IL10RA: variants seen among roughly 807,000 people sequenced by gnomAD.
IL10RA encodes interleukin 10 receptor subunit alpha.
A neutral mutation model predicts 29.6 loss-of-function variants in IL10RA; 18 were observed. That is an observed-to-expected ratio of 0.61 (90% CI 0.42 to 0.90). IL10RA has a LOEUF of 0.90. Ranked by LOEUF, IL10RA falls within the 40% of genes least tolerant of loss-of-function variation. The probability of loss-of-function intolerance (pLI) is 0.00; values close to 1 mark genes in which losing one functional copy is unlikely to be tolerated. For missense variants in IL10RA, 634 were observed against 716.6 expected (o/e 0.88, Z 1.32); for synonymous variants, 292 against 294.1 (o/e 0.99, Z 0.07).
chr11:117,991,581 C>T (rs1473552567), intron 3 of IL10RA, among the ~76,000 whole-genome samples: 1 of 152,184 alleles, frequency 6.6e-6, no homozygotes, highest in Non-Finnish European at 1.5e-5. Context: ...CTTCTGGTAA[C>T]CACTTCTACT....
intron 3 of IL10RA, 39 bp from the exon 4 acceptor site, chr11:117,993,202 A>T: frequency 6.3e-7 from 1 of 1,598,096 alleles, no homozygotes; most frequent in Non-Finnish European, 8.6e-7. Context: ...CTCAGCCCTC[A>T]AGTCTCATGG....
chr11:117,991,571 CT>C (rs1412356107), intron 3 of IL10RA, among the ~76,000 whole-genome samples: 3 of 152,198 alleles, frequency 2.0e-5, no homozygotes, highest in Non-Finnish European at 4.4e-5. Context: ...CTCCTTCCAG[CT>C]TCTGGTAACC....
Position 118,001,111 on chromosome 11 carries a change from G to A in IL10RA, c.*1470G>A, listed in dbSNP as rs1471344183. 2.2e-6 allele frequency: 1 copy of A among 454,148 alleles called. No homozygotes were observed. Among genetic ancestry groups the A allele is most frequent in the Non-Finnish European group, 4.4e-6 (1 of 226,802 alleles). The allele number at this position is 454,148 out of a possible 1,614,324, so 28.1% of individuals were successfully genotyped here. A position where few individuals can be genotyped will look rare whatever the true frequency, so the allele number is the denominator to read the frequency against. On this transcript the variant is annotated 3_prime_UTR_variant, in exon 7 of 7. Transcript: ENST00000227752. ...TCTGCCAAAGTACTCTTAGGTGCCA[G>A]TCTGGTAACTGAACTCCCTCTGGAG... is the stretch of plus-strand genomic sequence containing the variant.
At chr11:117,987,276 G>A (rs1259807850) in intron 1 of IL10RA, 2 of 211,086 alleles carry the variant, frequency 9.5e-6, no homozygotes, top group Non-Finnish European at 2.0e-5. Context: ...GAGCTGAGTC[G>A]GAGATGTGCA....
Position 117,993,346 on chromosome 11 carries a change from A to G in IL10RA, c.473A>G (p.Glu158Gly), listed in dbSNP as rs748829818. The G allele has an allele frequency of 6.2e-6, 10 of 1,613,972 alleles. No individual in the cohort carries two copies. The highest frequency in any genetic ancestry group is 6.8e-6 in the Non-Finnish European group (8 of 1,179,912). The change falls in exon 4 of 7, where the codon GAA becomes GGA. Residue 158 changes from glutamate (E) to glycine (G), a missense_variant. Transcript: ENST00000227752. ...PKMAPANDTY[E>G]SIFSHFREYE... ...ATGGCCCCCGCAAATGACACATATG[A>G]AAGCATCTTCAGTCACTTCCGAGAG...
intron 6 of IL10RA, among the ~76,000 whole-genome samples, chr11:117,998,445 G>GT (rs2058070177): frequency 6.6e-6 from 1 of 152,224 alleles, no homozygotes; most frequent in Non-Finnish European, 1.5e-5. Flanking sequence ...CCACCTGAGA[G>GT]TTTTCACCAT....
At chr11:118,002,150 A>G (rs2058099744), downstream of IL10RA, 1 of 152,298 alleles carries the variant, frequency 6.6e-6, no homozygotes, top group Non-Finnish European at 1.5e-5. Context: ...TGCTCCCTCC[A>G]TGAAAAACCC....
chr11:117,989,825 A>G lies in IL10RA; in HGVS notation c.367+205A>G. ...TGTTTGAGATTTAAAAGGGAACTGG[A>G]GTTGTTTATCCTACAGAAGAGAGGT... On this transcript the variant is annotated intron_variant, in intron 3 of 6. Coordinates refer to ENST00000227752, the MANE Select transcript of IL10RA (RefSeq NM_001558.4). The surrounding 1 kb of genome is among the most constrained non-coding windows in gnomAD (Gnocchi z 4.5). 1.6e-6 allele frequency: 1 copy of G among 638,598 alleles called. No individual in the cohort carries two copies. Among genetic ancestry groups the G allele is most frequent in the Non-Finnish European group, 2.8e-6 (1 of 358,018 alleles). The allele number at this position is 638,598 out of a possible 1,614,324, so 39.6% of individuals were successfully genotyped here.
At chr11:117,990,352 ATTT>A (rs11355213) in intron 3 of IL10RA, among the ~76,000 whole-genome samples, 15 of 149,336 alleles carry the variant, frequency 1.0e-4, no homozygotes, top group Admixed American at 4.0e-4. Context: ...GGGCATCTGT[ATTT>A]TTTTTTTTTT....
In IL10RA at chr11:117,995,738, C is replaced by T. The variant is rs184863279; in HGVS notation, c.810+28C>T. The T allele has an allele frequency of 2.2e-5, 35 of 1,608,528 alleles. 2 individuals are homozygous for T. The highest frequency in any genetic ancestry group is 1.5e-4 in the Admixed American group (9 of 59,884). On this transcript the variant is annotated intron_variant, in intron 6 of 6. Coordinates refer to ENST00000227752, the MANE Select transcript of IL10RA (RefSeq NM_001558.4). ...GAGTCTTGCAAGGAGGTCACTGCCCCGTCCTTCCCAGCCACACCCGAGCTT... is the reference window on the plus strand; with the variant it reads ...GAGTCTTGCAAGGAGGTCACTGCCCTGTCCTTCCCAGCCACACCCGAGCTT...
rs1366152604 is a variant in IL10RA, at chr11:117,988,469, C to G, written c.155C>G (p.Ser52Cys). 4 of 1,613,980 alleles carry G rather than the reference C, an allele frequency of 2.5e-6. No homozygotes were observed. Among genetic ancestry groups the G allele is most frequent in the Admixed American group, 3.3e-5 (2 of 60,006 alleles). The change falls in exon 2 of 7, where the codon TCT becomes TGT. Residue 52 changes from serine (S) to cysteine (C), a missense_variant. Ser to Cys is a moderately radical substitution (Grantham distance 112). Coordinates refer to ENST00000227752, the MANE Select transcript of IL10RA (RefSeq NM_001558.4). ...ILHWTPIPNQ[S>C]ESTCYEVALL... ...CACTGGACACCCATCCCAAATCAGT[C>G]TGAAAGTACCTGCTATGAAGTGGCG...
At chr11:117,987,770 A>T (rs1173716624) in intron 1 of IL10RA, 1 of 174,396 alleles carries the variant, frequency 5.7e-6, no homozygotes, top group African/African-American at 2.4e-5. Flanking sequence ...AGCCATGTGT[A>T]GAGCCAGAGC....
chr11:118,000,429 G>T lies in IL10RA; in HGVS notation c.*788G>T. 1 of 454,254 alleles carries T rather than the reference G, an allele frequency of 2.2e-6. No individual in the cohort carries two copies. Among genetic ancestry groups the T allele is most frequent in the African/African-American group, 2.0e-5 (1 of 50,118 alleles). The allele number at this position is 454,254 out of a possible 1,614,324, so 28.1% of individuals were successfully genotyped here. ...GCCAAGCCACTCACATCCTCACTTT[G>T]CTGCCCCACCATCTTGCTGACAACT... On this transcript the variant is annotated 3_prime_UTR_variant, in exon 7 of 7. Coordinates refer to ENST00000227752, the MANE Select transcript of IL10RA (RefSeq NM_001558.4).
chr11:117,987,006 A>G (rs944336636), intron 1 of IL10RA: 10 of 449,126 alleles, frequency 2.2e-5, no homozygotes, highest in Middle Eastern at 7.6e-4. Context: ...CTCCACCTGT[A>G]GCCCCCAACT....
chr11:117,998,854 C>G lies in IL10RA; in HGVS notation c.950C>G (p.Thr317Arg), dbSNP rs367605758. 7 of 1,614,234 alleles carry G rather than the reference C, an allele frequency of 4.3e-6. No homozygotes were observed. Among genetic ancestry groups the G allele is most frequent in the Non-Finnish European group, 5.1e-6 (6 of 1,180,044 alleles). Residue 317 changes from threonine (T) to arginine (R), a missense_variant, in exon 7 of 7, where the codon ACA becomes AGA. By Grantham distance (71) the Thr-to-Arg change is moderately conservative. Coordinates refer to ENST00000227752, the MANE Select transcript of IL10RA (RefSeq NM_001558.4). ...ELKNLDLHGSTDSGFGSTKPS... is the reference protein window; with the variant it reads ...ELKNLDLHGSRDSGFGSTKPS... The stretch of plus-strand genomic sequence containing the variant: ...AAGAACTTGGACCTGCACGGCAGCA[C>G]AGACAGTGGCTTTGGCAGCACCAAG...
Position 117,998,916 on chromosome 11 carries a change from C to T in IL10RA, c.1012C>T (p.Pro338Ser), listed in dbSNP as rs779816237. ...GACTGAAGAGCCCCAGTTCCTCCTCCCTGACCCTCACCCCCAGGCTGACAG... is the reference window on the plus strand; with the variant it reads ...GACTGAAGAGCCCCAGTTCCTCCTCTCTGACCCTCACCCCCAGGCTGACAG... ...LQTEEPQFLL[P>S]DPHPQADRTL... is the part of the protein sequence containing the mutation. Residue 338 changes from proline to serine, a missense_variant, in exon 7 of 7, where the codon CCT (proline) becomes TCT (serine). By Grantham distance (74) the Pro-to-Ser change is moderately conservative. Coordinates refer to ENST00000227752, the MANE Select transcript of IL10RA (RefSeq NM_001558.4). 1.2e-6 allele frequency: 2 copies of T among 1,613,960 alleles called. No individual in the cohort carries two copies. Among genetic ancestry groups the T allele is most frequent in the Non-Finnish European group, 1.7e-6 (2 of 1,179,936 alleles).
In IL10RA at chr11:118,000,545, G is replaced by A; in HGVS notation, c.*904G>A. 2.2e-6 allele frequency: 1 copy of A among 454,286 alleles called. No homozygotes were observed. Among genetic ancestry groups the A allele is most frequent in the South Asian group, 1.6e-5 (1 of 64,476 alleles). The allele number at this position is 454,286 out of a possible 1,614,324, so 28.1% of individuals were successfully genotyped here. A position where few individuals can be genotyped will look rare whatever the true frequency, so the allele number is the denominator to read the frequency against. ...GCACCAGCTCATGCCAGCCCCAGAG[G>A]GTCAGGGTTGGAGGCCTGTGCTTGT... On this transcript the variant is annotated 3_prime_UTR_variant, in exon 7 of 7. Coordinates refer to ENST00000227752, the MANE Select transcript of IL10RA (RefSeq NM_001558.4).
rs2058081219 is a variant in IL10RA at position 117,999,649 on chromosome 11, TGA to T, written c.*12_*13del. 6.2e-7 allele frequency: 1 copy of T among 1,611,728 alleles called. No homozygotes were observed. Among genetic ancestry groups the T allele is most frequent in the African/African-American group, 1.3e-5 (1 of 74,884 alleles). On this transcript the variant is annotated 3_prime_UTR_variant, in exon 7 of 7. Transcript: ENST00000227752. ...CTGCAGTCAAGTGAGTGACTCGGGC[TGA>T]GAGGCTGCTTTTGATTTTAGCCATG... is the stretch of plus-strand genomic sequence containing the variant.
At chr11:117,995,308 C>G (rs577798389) in intron 5 of IL10RA, 1 of 478,970 alleles carries the variant, frequency 2.1e-6, no homozygotes, top group South Asian at 2.0e-5. Context: ...GCTGTACCAT[C>G]CTGCCTCACT....
Sources: gnomAD v4.1 joint callset for allele counts (sites outside exome capture counted in the v4.1 genomes callset) on GRCh38, gnomAD v4.1.1 for gene constraint, Gnocchi (gnomAD v3.1) non-coding constraint, MANE v1.5 for transcripts, NCBI Gene and HGNC (gene_info 2026-07-23, HGNC 2026-07-21) for gene names.